Variants in PARD3 observed in about 807,000 individuals in gnomAD.
PARD3 encodes the protein par-3 family cell polarity regulator.
Under a neutral mutation model 155.4 loss-of-function variants are expected in PARD3, and 75 were observed. The ratio of observed to expected loss-of-function variants is 0.48; its 90% CI spans 0.40 to 0.58. The LOEUF is 0.58. PARD3 is among the 20% of genes least tolerant of loss of function. The pLI is 0.00. For synonymous variants in PARD3, 576 were observed against 610.5 expected (o/e 0.94, Z 0.83); for missense variants, 1,642 against 1,721.7 (o/e 0.95, Z 0.82).
intron 2 of PARD3, among the ~76,000 whole-genome samples, chr10:34,573,566 G>T (rs2086608243): frequency 6.6e-6 from 1 of 151,956 alleles, no homozygotes; most frequent in African/African-American, 2.4e-5. Context: ...AATTAACCAG[G>T]CCTGGCGGCA....
At chr10:34,557,065 AG>A (rs1346894400) in intron 2 of PARD3, among the ~76,000 whole-genome samples, 1 of 152,192 alleles carries the variant, frequency 6.6e-6, no homozygotes, top group Non-Finnish European at 1.5e-5. Flanking sequence ...CAATGGACCC[AG>A]GGGTCCACCC....
intron 12 of PARD3, among the ~76,000 whole-genome samples, chr10:34,367,102 A>G (rs1371579187): frequency 6.6e-6 from 1 of 152,238 alleles, no homozygotes; most frequent in Non-Finnish European, 1.5e-5. Context: ...ACCCAATCAA[A>G]GAAACATCAG....
At chr10:34,765,751 C>T (rs1838008264) in intron 1 of PARD3, among the ~76,000 whole-genome samples, 1 of 151,988 alleles carries the variant, frequency 6.6e-6, no homozygotes, top group South Asian at 2.1e-4. Flanking sequence ...GCTTATTTCT[C>T]AGAGGAGAAG....
intron 1 of PARD3, among the ~76,000 whole-genome samples, chr10:34,700,464 C>A (rs972324922): frequency 6.6e-6 from 1 of 152,142 alleles, no homozygotes; most frequent in Non-Finnish European, 1.5e-5. Context: ...CCCACATGTG[C>A]AAATTTCAAG....
chr10:34,280,143 A>G (rs1342588510), intron 21 of PARD3, among the ~76,000 whole-genome samples: 2 of 152,184 alleles, frequency 1.3e-5, no homozygotes, highest in Non-Finnish European at 2.9e-5. Flanking sequence ...ATCATAGCTA[A>G]TATTTCATGT....
At chr10:34,324,717 G>A (rs1958579437) in intron 19 of PARD3, among the ~76,000 whole-genome samples, 1 of 152,190 alleles carries the variant, frequency 6.6e-6, no homozygotes, top group South Asian at 2.1e-4. Context: ...GTGACACAGT[G>A]AGATGATGAT....
At chr10:34,412,279 C>T (rs1475241450) in intron 5 of PARD3, among the ~76,000 whole-genome samples, 3 of 151,954 alleles carry the variant, frequency 2.0e-5, no homozygotes, top group African/African-American at 4.8e-5. Flanking sequence ...CCATTAATCC[C>T]GTAGATATCA....
At chr10:34,686,790 T>C (rs1254956185) in intron 2 of PARD3, among the ~76,000 whole-genome samples, 2 of 150,842 alleles carry the variant, frequency 1.3e-5, no homozygotes, top group Non-Finnish European at 2.9e-5. Flanking sequence ...GGCTCACACC[T>C]GTAATCCTAG....
intron 2 of PARD3, among the ~76,000 whole-genome samples, chr10:34,628,510 G>A (rs548594458): frequency 6.6e-6 from 1 of 152,366 alleles, no homozygotes; most frequent in African/African-American, 2.4e-5. Flanking sequence ...GCTCAATGCT[G>A]TCCCAGTGAG....
intron 2 of PARD3, among the ~76,000 whole-genome samples, chr10:34,566,322 A>G (rs1293183368): frequency 1.3e-5 from 2 of 152,244 alleles, no homozygotes; most frequent in Non-Finnish European, 2.9e-5. Context: ...GCAGCCTTTC[A>G]CAAGCTTAAT....
intron 2 of PARD3, among the ~76,000 whole-genome samples, chr10:34,660,920 A>T (rs2093308566): frequency 6.6e-6 from 1 of 152,134 alleles, no homozygotes; most frequent in African/African-American, 2.4e-5. Flanking sequence ...GTTGTGTGCC[A>T]ATTTATCCCT....
At chr10:34,725,479 G>A (rs865859317) in intron 1 of PARD3, among the ~76,000 whole-genome samples, 2 of 151,978 alleles carry the variant, frequency 1.3e-5, no homozygotes, top group African/African-American at 2.4e-5. Context: ...CAAGCTCTCC[G>A]AATAGCTCAA....
chr10:34,171,950 CAAAAAAAAAAAAAAAAA>C (rs71033303), intron 22 of PARD3, among the ~76,000 whole-genome samples: 7 of 47,248 alleles, frequency 1.5e-4, no homozygotes, highest in Middle Eastern at 0.016. Flanking sequence ...GACTCCATCT[CAAAAAAAAAAAAAAAAA>C]AAAAAAAAAA....
chr10:34,317,432 C>A, intron 19 of PARD3, 94 bp from the exon 20 acceptor site: 1 of 1,324,136 alleles, frequency 7.6e-7, no homozygotes, highest in Non-Finnish European at 1.0e-6. Context: ...CTTTCCCACA[C>A]TTTTACTGCA....
rs187380456 is a variant in PARD3 at position 34,351,859 on chromosome 10, C to T, written c.2068-3744G>A. ...TTGCCACCTATGTTGGCCTTGCAGC[C>T]ATTAAAGCAAATCATTTGACCTCTT... is the stretch of plus-strand genomic sequence containing the variant. On this transcript the variant is annotated intron_variant, in intron 14 of 24. Coordinates refer to ENST00000374788, the MANE Select transcript of PARD3 (RefSeq NM_001184785.2). Among the ~76,000 whole-genome samples the T allele has an allele frequency of 1.8e-4, 28 of 152,350 alleles. No homozygotes were observed. The South Asian group carries it at 2.3e-3, about 12-fold the overall frequency.
intron 1 of PARD3, among the ~76,000 whole-genome samples, chr10:34,737,618 G>C (rs902131823): frequency 3.3e-5 from 5 of 152,148 alleles, no homozygotes; most frequent in African/African-American, 1.2e-4. Flanking sequence ...CCTTTAGAAG[G>C]AGATTAGCCT....
intron 22 of PARD3, among the ~76,000 whole-genome samples, chr10:34,158,157 T>C (rs1246633268): frequency 6.6e-6 from 1 of 152,138 alleles, no homozygotes; most frequent in Admixed American, 6.5e-5. Flanking sequence ...GGCAGGAGGA[T>C]CTCTTGAAGC....
intron 2 of PARD3, among the ~76,000 whole-genome samples, chr10:34,543,592 T>C (rs1444611362): frequency 6.6e-6 from 1 of 152,194 alleles, no homozygotes; most frequent in Admixed American, 6.5e-5. Flanking sequence ...CTTTTCAAAC[T>C]ATGGAAGATG....
At chr10:34,339,102 T>C (rs183035426) in intron 16 of PARD3, among the ~76,000 whole-genome samples, 75 of 152,286 alleles carry the variant, frequency 4.9e-4, no homozygotes, top group African/African-American at 1.5e-3. Flanking sequence ...ATAAGAAATA[T>C]GACACAATCT....
Sources: gnomAD v4.1 joint callset for allele counts (sites outside exome capture counted in the v4.1 genomes callset) on GRCh38, gnomAD v4.1.1 for gene constraint, MANE v1.5 for transcripts, NCBI Gene and HGNC (gene_info 2026-07-23, HGNC 2026-07-21) for gene names.